OSBPL3: variants seen among roughly 807,000 people sequenced by gnomAD.
OSBPL3 encodes the protein oxysterol-binding protein-related protein 3.
A neutral mutation model predicts 120.1 loss-of-function variants in OSBPL3; 65 were observed. The ratio of observed to expected loss-of-function variants is 0.54; its 90% CI spans 0.44 to 0.67. The LOEUF is 0.67. OSBPL3 is among the 30% of genes least tolerant of loss of function. The pLI, the probability that OSBPL3 is intolerant of heterozygous loss-of-function variation, is 0.00. For missense variants in OSBPL3, 1,004 were observed against 1,082.1 expected (o/e 0.93, Z 1.01); for synonymous variants, 416 against 402.6 (o/e 1.03, Z -0.40).
chr7:24,861,899 T>TG (rs1562843606), intron 9 of OSBPL3, 130 bp from the exon 10 acceptor site: 13 of 500,044 alleles, frequency 2.6e-5, no homozygotes, highest in East Asian at 4.6e-5. Context: ...TTTTTTTTTT[T>TG]TGGGGGGGAT....
At chr7:24,971,017 T>A (rs1276351372) in intron 1 of OSBPL3, among the ~76,000 whole-genome samples, 1 of 152,218 alleles carries the variant, frequency 6.6e-6, no homozygotes, top group Non-Finnish European at 1.5e-5. Context: ...GAAAATCCTC[T>A]CAAACTGGGT....
At position 24,824,589 on chromosome 7, in the gene OSBPL3, C is replaced by G. The variant is rs1795479699; in HGVS notation, c.1885-4351G>C. ...CCAGAGAGGGGACCAAGTGGCCATT[C>G]TTTCCAGGTCACTCATCAAGTACTT... On this transcript the variant is annotated intron_variant, in intron 16 of 22. Coordinates refer to ENST00000313367, the MANE Select transcript of OSBPL3 (RefSeq NM_015550.4). The surrounding 1 kb of genome is among the most constrained non-coding windows in gnomAD (Gnocchi z 4.9). 6.6e-6 allele frequency among the ~76,000 whole-genome samples: 1 copy of G among 152,162 alleles called. No individual in the cohort carries two copies. Among genetic ancestry groups the G allele is most frequent in the Admixed American group, 6.5e-5 (1 of 15,282 alleles).
At position 24,894,834 on chromosome 7, in the gene OSBPL3, A is replaced by C. The variant is rs1221494180; in HGVS notation, c.-149-2213T>G. ...CACAACCCTGTCCTAGAGGCAGCTG[A>C]TACAGGGTCATCTTTATCTCTTTGT... On this transcript the variant is annotated intron_variant, in intron 1 of 22. Coordinates refer to ENST00000313367, the MANE Select transcript of OSBPL3 (RefSeq NM_015550.4). This position sits in a 1 kb window ranked among gnomAD's most constrained non-coding sequence, Gnocchi z 4.1. 6.6e-6 allele frequency among the ~76,000 whole-genome samples: 1 copy of C among 152,230 alleles called. No homozygotes were observed. Among genetic ancestry groups the C allele is most frequent in the Non-Finnish European group, 1.5e-5 (1 of 68,032 alleles).
Position 24,909,235 on chromosome 7 carries a change from G to A in OSBPL3, c.-149-16614C>T, listed in dbSNP as rs1259641342. On this transcript the variant is annotated intron_variant, in intron 1 of 22. Transcript: ENST00000313367. Reference sequence around the variant, plus strand: ...CCCCTTCTTTAATAATAGAACTCTCGAGTTTTAATGTGGTTCATGGGCATC... The same window carrying A: ...CCCCTTCTTTAATAATAGAACTCTCAAGTTTTAATGTGGTTCATGGGCATC... 3.3e-5 allele frequency among the ~76,000 whole-genome samples: 5 copies of A among 152,122 alleles called. No individual in the cohort carries two copies. In the South Asian group the frequency reaches 8.3e-4, roughly 25 times the overall value.
In OSBPL3 at chr7:24,819,207, C is replaced by T. The variant is rs957927642; in HGVS notation, c.1948+968G>A. Among the ~76,000 whole-genome samples, 1 of 148,566 alleles carries T rather than the reference C, an allele frequency of 6.7e-6. No homozygotes were observed. The highest frequency in any genetic ancestry group is 2.5e-5 in the African/African-American group (1 of 40,004). On this transcript the variant is annotated intron_variant, in intron 17 of 22. Transcript: ENST00000313367. This position sits in a 1 kb window ranked among gnomAD's most constrained non-coding sequence, Gnocchi z 4.1. ...GACGGAGGTTGCAGTGAGCCGAGAT[C>T]GCACCACTGCACTCCAGCCTAGCAA...
chr7:24,956,800 C>A (rs538262004), intron 1 of OSBPL3, among the ~76,000 whole-genome samples: 3 of 152,296 alleles, frequency 2.0e-5, no homozygotes, highest in African/African-American at 4.8e-5. Flanking sequence ...CAGGTTTTAT[C>A]CTTTTTTAAC....
In OSBPL3 at chr7:24,873,045, C is replaced by G. The variant is rs1215141339; in HGVS notation, c.97-976G>C. Reference sequence around the variant, plus strand: ...ATAAATTTTTACATTTATACATATACTCAGTAACTGCCAGCCAAACCCGAC... The same window carrying G: ...ATAAATTTTTACATTTATACATATAGTCAGTAACTGCCAGCCAAACCCGAC... On this transcript the variant is annotated intron_variant, in intron 2 of 22. Coordinates refer to ENST00000313367, the MANE Select transcript of OSBPL3 (RefSeq NM_015550.4). This position sits in a 1 kb window ranked among gnomAD's most constrained non-coding sequence, Gnocchi z 4.1. 6.6e-6 allele frequency among the ~76,000 whole-genome samples: 1 copy of G among 152,098 alleles called. No homozygotes were observed. The highest frequency in any genetic ancestry group is 1.5e-5 in the Non-Finnish European group (1 of 68,034).
rs1339127067 is a variant in OSBPL3 at position 24,818,462 on chromosome 7, G to C, written c.1948+1713C>G. On this transcript the variant is annotated intron_variant, in intron 17 of 22. Transcript: ENST00000313367. This position sits in a 1 kb window ranked among gnomAD's most constrained non-coding sequence, Gnocchi z 4.0. Reference sequence around the variant, plus strand: ...GTAGAGAGGTTGGGAAGGGAAAATGGAAGTATACTTCTGTAAATCTCACTA... The same window carrying C: ...GTAGAGAGGTTGGGAAGGGAAAATGCAAGTATACTTCTGTAAATCTCACTA... Among the ~76,000 whole-genome samples, 1 of 152,164 alleles carries C rather than the reference G, an allele frequency of 6.6e-6. No individual in the cohort carries two copies. Among genetic ancestry groups the C allele is most frequent in the East Asian group, 1.9e-4 (1 of 5,200 alleles).
intron 10 of OSBPL3, among the ~76,000 whole-genome samples, chr7:24,859,794 C>T (rs536777637): frequency 5.4e-4 from 82 of 152,268 alleles, no homozygotes; most frequent in African/African-American, 1.6e-3. Context: ...AAATACCTGA[C>T]GTGACAGTTA....
Position 24,819,493 on chromosome 7 carries a change from G to A in OSBPL3, c.1948+682C>T, listed in dbSNP as rs1794858144. Reference sequence around the variant, plus strand: ...AGAGAGAAACTGAGTGGCTGGGGAAGGGGGTTACAGTATACTGTTTCGTAC... The same window carrying A: ...AGAGAGAAACTGAGTGGCTGGGGAAAGGGGTTACAGTATACTGTTTCGTAC... On this transcript the variant is annotated intron_variant, in intron 17 of 22. Transcript: ENST00000313367. This position sits in a 1 kb window ranked among gnomAD's most constrained non-coding sequence, Gnocchi z 4.1. 1.3e-5 allele frequency among the ~76,000 whole-genome samples: 2 copies of A among 152,274 alleles called. No individual in the cohort carries two copies. The highest frequency in any genetic ancestry group is 2.1e-4 in the South Asian group (1 of 4,826).
chr7:24,979,914 C>A lies in OSBPL3; in HGVS notation c.-178G>T. Reference sequence around the variant, plus strand: ...AGCGCTGTGCAGCCGGAGACGCTCCCTAGTTCCCCGGGGCCGGGCTCCGGG... The same window carrying A: ...AGCGCTGTGCAGCCGGAGACGCTCCATAGTTCCCCGGGGCCGGGCTCCGGG... On this transcript the variant is annotated 5_prime_UTR_variant, in exon 1 of 23. In the 5' UTR this introduces an upstream ATG that the reference lacks. Transcript: ENST00000313367. The A allele has an allele frequency of 4.1e-6, 4 of 970,502 alleles. No individual in the cohort carries two copies. The highest frequency in any genetic ancestry group is 4.9e-6 in the Non-Finnish European group (4 of 822,422). The allele number at this position is 970,502 out of a possible 1,614,324, so 60.1% of individuals were successfully genotyped here. A position where few individuals can be genotyped will look rare whatever the true frequency, so the allele number is the denominator to read the frequency against.
In OSBPL3 at chr7:24,809,823, G is replaced by A. The variant is rs1195071000; in HGVS notation, c.2301C>T (p.Ala767=). The A allele has an allele frequency of 9.3e-6, 15 of 1,614,118 alleles. No homozygotes were observed. The East Asian group carries it at 3.3e-4, about 36-fold the overall frequency. Residue 767 remains alanine (A), a synonymous_variant, in exon 20 of 23, where the codon GCC becomes GCT. Coordinates refer to ENST00000313367, the MANE Select transcript of OSBPL3 (RefSeq NM_015550.4). ...SIYCGGGSSS[A]CVWRANPMPK... ...GACACTCACTTGCTCTCCATACACAGGCAGAAGAGGAGCCGCCGCCACAGT... is the reference window on the plus strand; with the variant it reads ...GACACTCACTTGCTCTCCATACACAAGCAGAAGAGGAGCCGCCGCCACAGT...
In OSBPL3 at chr7:24,815,565, G is replaced by C. The variant is rs771512830; in HGVS notation, c.2028-362C>G. 6.6e-6 allele frequency among the ~76,000 whole-genome samples: 1 copy of C among 152,208 alleles called. No individual in the cohort carries two copies. The highest frequency in any genetic ancestry group is 2.4e-5 in the African/African-American group (1 of 41,452). On this transcript the variant is annotated intron_variant, in intron 18 of 22. Transcript: ENST00000313367. This position sits in a 1 kb window ranked among gnomAD's most constrained non-coding sequence, Gnocchi z 5.1. ...AACTAGGAAAGGGAAGCTTGAGAAA[G>C]GGATGAAGGTTTTATACAATCTGCT...
At position 24,816,622 on chromosome 7, in the gene OSBPL3, A is replaced by G. The variant is rs1418457439; in HGVS notation, c.2015T>C (p.Val672Ala). The G allele has an allele frequency of 1.2e-6, 2 of 1,611,346 alleles. No individual in the cohort carries two copies. The highest frequency in any genetic ancestry group is 1.7e-6 in the Non-Finnish European group (2 of 1,177,382). The change falls in exon 18 of 23, where the codon GTG becomes GCG. Residue 672 changes from valine to alanine, a missense_variant. Val to Ala is a moderately conservative substitution (Grantham distance 64). Transcript: ENST00000313367. ...AAGAAGAACTTACACTGGCAGAGTC[A>G]CATGGGTTGTGCCAATTGGAACAAT... is the stretch of plus-strand genomic sequence containing the variant. The part of the protein sequence containing the change: ...MEIVPIGTTH[V>A]TLPVFGDHFE...
rs762786403 is a variant in OSBPL3 at position 24,972,499 on chromosome 7, C to G, written c.-150+7387G>C. Among the ~76,000 whole-genome samples, 9 of 152,240 alleles carry G rather than the reference C, an allele frequency of 5.9e-5. No homozygotes were observed. Among genetic ancestry groups the G allele is most frequent in the Non-Finnish European group, 1.2e-4 (8 of 68,044 alleles). On this transcript the variant is annotated intron_variant, in intron 1 of 22. Coordinates refer to ENST00000313367, the MANE Select transcript of OSBPL3 (RefSeq NM_015550.4). The surrounding 1 kb of genome is among the most constrained non-coding windows in gnomAD (Gnocchi z 4.3). ...TGAATTCTCTGCAACTCTTTAATGT[C>G]TATATCCCCTTCTAGTCTGTAAGCT...
intron 16 of OSBPL3, among the ~76,000 whole-genome samples, chr7:24,825,696 A>G (rs112925917): frequency 5.1e-4 from 78 of 152,352 alleles, no homozygotes; most frequent in African/African-American, 1.9e-3. Context: ...TACAAGGACT[A>G]TGCAGAGGTG....
At chr7:24,847,205 C>T (rs1011905188) in intron 12 of OSBPL3, among the ~76,000 whole-genome samples, 1 of 151,988 alleles carries the variant, frequency 6.6e-6, no homozygotes. Flanking sequence ...CGGGAGTTAC[C>T]GAAAAAAAAT....
chr7:24,845,597 G>T (rs1584348872), intron 12 of OSBPL3, among the ~76,000 whole-genome samples: 1 of 139,532 alleles, frequency 7.2e-6, no homozygotes, highest in Admixed American at 7.2e-5. Flanking sequence ...CAATTTCACT[G>T]AAAATATTTT....
intron 1 of OSBPL3, among the ~76,000 whole-genome samples, chr7:24,921,862 G>A (rs963172410): frequency 1.3e-5 from 2 of 152,210 alleles, no homozygotes; most frequent in African/African-American, 4.8e-5. Flanking sequence ...CATTCTTACA[G>A]AGAGCCAAAT....
Sources: allele counts gnomAD v4.1 joint callset (sites outside exome capture counted in the v4.1 genomes callset), GRCh38; gene constraint gnomAD v4.1.1; non-coding constraint Gnocchi (gnomAD v3.1); transcripts MANE v1.5; gene names NCBI Gene and HGNC (gene_info 2026-07-23, HGNC 2026-07-21).